The following DOCK2 variants were observed in gnomAD, a reference collection of about 807,000 sequenced individuals.
DOCK2 encodes dedicator of cytokinesis 2.
A neutral mutation model predicts 248.9 loss-of-function variants in DOCK2; 87 were observed. That is an observed-to-expected ratio of 0.35 (90% CI 0.29 to 0.42). DOCK2 has a LOEUF of 0.42. Among genes scored for constraint, DOCK2 ranks in the 10% least tolerant of loss-of-function variants. DOCK2 has a pLI of 1.00. For missense variants in DOCK2, 1,747 were observed against 2,300.2 expected (o/e 0.76, Z 4.92); for synonymous variants, 805 against 821.6 (o/e 0.98, Z 0.35).
At chr5:169,881,563 G>A (rs1297189230) in intron 27 of DOCK2, 25 of 714,390 alleles carry the variant, frequency 3.5e-5, no homozygotes, top group South Asian at 8.0e-5. Context: ...GAAGTTGCAC[G>A]GCCATTACAA....
At position 169,947,378 on chromosome 5, in the gene DOCK2, G is replaced by GT. The variant is rs1170124945; in HGVS notation, c.2800-35689dup. On this transcript the variant is annotated intron_variant, in intron 27 of 51. Transcript: ENST00000520908. Reference sequence around the variant, plus strand: ...CATTTGTTGATGGTGCCTAGGCTGAGTGCCAGGCACTGGGCTGCATGCTTT... The same window carrying GT: ...CATTTGTTGATGGTGCCTAGGCTGAGTTGCCAGGCACTGGGCTGCATGCTTT... 6.6e-5 allele frequency among the ~76,000 whole-genome samples: 10 copies of GT among 152,354 alleles called. No homozygotes were observed. In the South Asian group the frequency reaches 1.9e-3, roughly 28 times the overall value.
In DOCK2 at chr5:170,047,619, GTT is replaced by G; in HGVS notation, c.4071+7_4071+8del. The G allele has an allele frequency of 6.2e-7, 1 of 1,613,538 alleles. No individual in the cohort carries two copies. The highest frequency in any genetic ancestry group is 1.1e-5 in the South Asian group (1 of 90,944). ...GGATTCCCCTCCTTCCTGCGGGTGA[GTT>G]TGGGGGTGACTTGGACACCAGGCGA... On this transcript the variant is annotated splice_donor_region_variant and intron_variant, in intron 40 of 51. Coordinates refer to ENST00000520908, the MANE Select transcript of DOCK2 (RefSeq NM_004946.3).
In DOCK2 at chr5:169,823,649, C is replaced by A. The variant is rs574300461; in HGVS notation, c.2704-17108C>A. On this transcript the variant is annotated intron_variant, in intron 26 of 51. Coordinates refer to ENST00000520908, the MANE Select transcript of DOCK2 (RefSeq NM_004946.3). Reference sequence around the variant, plus strand: ...AATAATGAGAGCTATTTATGACAAACCCACAGCCAATATCATACTGAATGG... The same window carrying A: ...AATAATGAGAGCTATTTATGACAAAACCACAGCCAATATCATACTGAATGG... Among the ~76,000 whole-genome samples, 7 of 152,260 alleles carry A rather than the reference C, an allele frequency of 4.6e-5. No individual in the cohort carries two copies. In the East Asian group the frequency reaches 1.3e-3, roughly 29 times the overall value.
At chr5:170,066,224 T>A (rs1757491045) in intron 44 of DOCK2, among the ~76,000 whole-genome samples, 1 of 152,076 alleles carries the variant, frequency 6.6e-6, no homozygotes, top group Non-Finnish European at 1.5e-5. Context: ...ATGAAAACTT[T>A]TAAAAAGAGA....
At chr5:170,034,602 G>T (rs373545462) in intron 35 of DOCK2, 47 bp downstream of exon 35, 4 of 1,604,856 alleles carry the variant, frequency 2.5e-6, no homozygotes, top group East Asian at 2.2e-5. Context: ...CCTGTGGGGG[G>T]GCTTGGGCTT....
intron 25 of DOCK2, among the ~76,000 whole-genome samples, chr5:169,768,629 C>G (rs1339507897): frequency 2.6e-5 from 4 of 152,174 alleles, no homozygotes; most frequent in African/African-American, 9.6e-5. Flanking sequence ...TGTGGCTTCT[C>G]AGGGCACAGC....
intron 25 of DOCK2, among the ~76,000 whole-genome samples, chr5:169,770,269 A>G (rs561332941): frequency 6.6e-6 from 1 of 151,172 alleles, no homozygotes; most frequent in South Asian, 2.1e-4. Context: ...TTCCCCACCT[A>G]AGGTAACCAC....
chr5:169,906,908 A>G (rs1267137960), intron 27 of DOCK2, among the ~76,000 whole-genome samples: 3 of 152,150 alleles, frequency 2.0e-5, no homozygotes, highest in Non-Finnish European at 4.4e-5. Flanking sequence ...GGTGCTGAGA[A>G]AGCAAATGCT....
chr5:169,923,901 G>A (rs996345468), intron 27 of DOCK2, among the ~76,000 whole-genome samples: 1 of 152,152 alleles, frequency 6.6e-6, no homozygotes, highest in African/African-American at 2.4e-5. Flanking sequence ...GAAGTTTTGT[G>A]GGATAAGCAA....
intron 44 of DOCK2, among the ~76,000 whole-genome samples, chr5:170,063,270 G>T (rs1757391819): frequency 6.6e-6 from 1 of 152,128 alleles, no homozygotes; most frequent in South Asian, 2.1e-4. Flanking sequence ...TGCATTGAAT[G>T]TCCCAACTTT....
rs531797579 is a variant in DOCK2, at chr5:169,807,618, G to A, written c.2703+4412G>A. On this transcript the variant is annotated intron_variant, in intron 26 of 51. Transcript: ENST00000520908. ...GAGGCCGAGGCGGGCGGATCACGAG[G>A]TCAGGAGATCGAGACCATCCTGGCT... Among the ~76,000 whole-genome samples, 7 of 152,020 alleles carry A rather than the reference G, an allele frequency of 4.6e-5. 1 individual carries two copies. In the South Asian group the frequency reaches 1.5e-3, roughly 32 times the overall value.
chr5:169,897,265 C>A (rs1581378746), intron 27 of DOCK2, among the ~76,000 whole-genome samples: 2 of 151,936 alleles, frequency 1.3e-5, no homozygotes, highest in African/African-American at 4.8e-5. Flanking sequence ...GCTCACTGCA[C>A]CTTCCACCTC....
At chr5:170,061,883 G>T (rs2091674372) in intron 44 of DOCK2, among the ~76,000 whole-genome samples, 1 of 152,160 alleles carries the variant, frequency 6.6e-6, no homozygotes, top group African/African-American at 2.4e-5. Context: ...CTACACCTTG[G>T]CCCCTCAGAG....
At chr5:169,866,362 CTG>C (rs545303799) in intron 27 of DOCK2, among the ~76,000 whole-genome samples, 28 of 152,326 alleles carry the variant, frequency 1.8e-4, no homozygotes, top group Non-Finnish European at 3.4e-4. Flanking sequence ...CACAGTTTCA[CTG>C]TGAGATCTTG....
chr5:169,699,561 C>T (rs1760838914), intron 12 of DOCK2, 103 bp downstream of exon 12: 1 of 1,117,520 alleles, frequency 8.9e-7, no homozygotes, highest in African/African-American at 1.6e-5. Flanking sequence ...ACTTAGCTTT[C>T]CTTCCAGACA....
chr5:169,641,055 C>T (rs759783644), intron 1 of DOCK2, among the ~76,000 whole-genome samples: 19 of 152,212 alleles, frequency 1.2e-4, no homozygotes, highest in Non-Finnish European at 2.8e-4. Flanking sequence ...CTTACAAAAG[C>T]GTTGCCTTGA....
Position 169,718,780 on chromosome 5 carries a change from A to G in DOCK2, c.2256A>G (p.Thr752=), listed in dbSNP as rs1244601889. The G allele has an allele frequency of 1.9e-6, 3 of 1,613,078 alleles. No individual in the cohort carries two copies. The African/African-American group carries it at 4.0e-5, about 22-fold the overall frequency. ...TCAAGTTCATTGTTCGGTCGAGGAC[A>G]TTATTTTCACAGTGAGTACTTGTTA... ...YVFKFIVRSR[T]LFSQLYEGKE... The change falls in exon 22 of 52, where the codon ACA becomes ACG. Residue 752 remains threonine, a synonymous_variant. Coordinates refer to ENST00000520908, the MANE Select transcript of DOCK2 (RefSeq NM_004946.3).
rs928073487 is a variant in DOCK2 at position 169,986,040 on chromosome 5, G to A, written c.2993+118G>A. 1.5e-4 allele frequency: 141 copies of A among 939,904 alleles called. 1 individual carries two copies. The highest frequency in any genetic ancestry group is 3.2e-4 in the Admixed American group (12 of 37,944). 58.2% of individuals were successfully genotyped at this position (939,904 alleles called of 1,614,324 possible). A position where few individuals can be genotyped will look rare whatever the true frequency, so the allele number is the denominator to read the frequency against. ...GCTGAAAAGAAATTAAAGTGTTAAG[G>A]CATGCTTTCTTTCTATCTTTAAACC... On this transcript the variant is annotated intron_variant, in intron 29 of 51. Coordinates refer to ENST00000520908, the MANE Select transcript of DOCK2 (RefSeq NM_004946.3).
intron 1 of DOCK2, among the ~76,000 whole-genome samples, chr5:169,638,764 G>GC (rs1442366767): frequency 6.6e-5 from 10 of 152,204 alleles, no homozygotes; most frequent in Admixed American, 2.0e-4. Context: ...TGCAATCTCT[G>GC]TCTGACTTCA....
Sources: allele counts gnomAD v4.1 joint callset (sites outside exome capture counted in the v4.1 genomes callset), GRCh38; gene constraint gnomAD v4.1.1; transcripts MANE v1.5; gene names NCBI Gene and HGNC (gene_info 2026-07-23, HGNC 2026-07-21).